The following TAS2R1 variants were observed in gnomAD, a reference collection of about 807,000 sequenced individuals.
TAS2R1 encodes the protein taste 2 receptor member 1, also known as taste receptor type 2 member 1.
For synonymous variants in TAS2R1, 141 were observed against 134.2 expected (o/e 1.05, Z -0.35); for missense variants, 370 against 353.4 (o/e 1.05, Z -0.38).
the TAS2R1 span, among the ~76,000 whole-genome samples, chr5:9,805,737 G>A: frequency 2.6e-5 from 4 of 152,062 alleles, no homozygotes; most frequent in African/African-American, 4.8e-5. Context: ...AGCATAGAAG[G>A]GACATACCTT....
the TAS2R1 span, among the ~76,000 whole-genome samples, chr5:9,737,412 A>T: frequency 2.0e-5 from 3 of 152,250 alleles, no homozygotes; most frequent in African/African-American, 7.2e-5. Context: ...GAACAATTTC[A>T]ATTATAACAA....
the TAS2R1 span, among the ~76,000 whole-genome samples, chr5:9,808,410 G>C: frequency 6.6e-6 from 1 of 151,752 alleles, no homozygotes; most frequent in Non-Finnish European, 1.5e-5. Context: ...ACTGCCTATA[G>C]AAAAATGTAA....
At chr5:9,851,499 A>G in the TAS2R1 span, among the ~76,000 whole-genome samples, 1 of 150,758 alleles carries the variant, frequency 6.6e-6, no homozygotes, top group Non-Finnish European at 1.5e-5. Context: ...CTCACAAGTA[A>G]TTTCTTCTGC....
At chr5:9,673,405 T>G (rs1297859911) in intron 1 of TAS2R1, among the ~76,000 whole-genome samples, 4 of 152,168 alleles carry the variant, frequency 2.6e-5, no homozygotes. Context: ...ACAAAGCCTG[T>G]GTAGGCATTA....
the TAS2R1 span, among the ~76,000 whole-genome samples, chr5:9,871,582 G>C: frequency 3.9e-5 from 6 of 152,098 alleles, no homozygotes; most frequent in East Asian, 1.2e-3. Context: ...CACTCGGATG[G>C]GGGAAGCCTG....
At chr5:9,694,611 G>A (rs545359124) in intron 1 of TAS2R1, among the ~76,000 whole-genome samples, 3 of 152,256 alleles carry the variant, frequency 2.0e-5, no homozygotes, top group Admixed American at 2.0e-4. Flanking sequence ...GAGTTTCTAT[G>A]TCTGTTCTTA....
chr5:9,874,268 C>G, the TAS2R1 span, among the ~76,000 whole-genome samples: 15 of 152,154 alleles, frequency 9.9e-5, no homozygotes, highest in Non-Finnish European at 1.8e-4. Context: ...GAGATTATTT[C>G]TGTGCTACTT....
At chr5:9,825,963 T>C in the TAS2R1 span, among the ~76,000 whole-genome samples, 5 of 152,184 alleles carry the variant, frequency 3.3e-5, no homozygotes, top group Non-Finnish European at 5.9e-5. Context: ...GTAAATGTTA[T>C]TAAAGGCCAA....
At chr5:9,819,339 A>G in the TAS2R1 span, among the ~76,000 whole-genome samples, 1 of 152,340 alleles carries the variant, frequency 6.6e-6, no homozygotes, top group Non-Finnish European at 1.5e-5. Flanking sequence ...TCATGCTGAT[A>G]TATTTCCTCA....
chr5:9,674,744 T>G (rs1579778450), intron 1 of TAS2R1, among the ~76,000 whole-genome samples: 1 of 152,136 alleles, frequency 6.6e-6, no homozygotes, highest in Non-Finnish European at 1.5e-5. Flanking sequence ...CTAACTTCTA[T>G]TCCATTTTTC....
At chr5:9,818,291 A>G in the TAS2R1 span, among the ~76,000 whole-genome samples, 5 of 152,218 alleles carry the variant, frequency 3.3e-5, no homozygotes, top group African/African-American at 1.2e-4. Flanking sequence ...TTAGGACAAG[A>G]AACATTCTTG....
intron 2 of TAS2R1, among the ~76,000 whole-genome samples, chr5:9,648,091 G>A (rs1740230204): frequency 2.0e-5 from 3 of 152,100 alleles, no homozygotes; most frequent in Non-Finnish European, 4.4e-5. Context: ...TATTCAAAAT[G>A]CATCATTCTT....
At chr5:9,876,862 T>C in the TAS2R1 span, among the ~76,000 whole-genome samples, 2 of 152,188 alleles carry the variant, frequency 1.3e-5, no homozygotes. Context: ...AGAACATTCC[T>C]TGTCTTTAAA....
intron 2 of TAS2R1, among the ~76,000 whole-genome samples, chr5:9,653,413 T>A (rs1322903731): frequency 6.6e-6 from 1 of 152,226 alleles, no homozygotes; most frequent in Non-Finnish European, 1.5e-5. Context: ...TCCATTCATT[T>A]GTTGATGGAT....
chr5:9,644,157 G>A (rs572658470), intron 2 of TAS2R1, among the ~76,000 whole-genome samples: 2 of 152,146 alleles, frequency 1.3e-5, no homozygotes, highest in Non-Finnish European at 2.9e-5. Flanking sequence ...GGGAAGCTTT[G>A]TTATAATCAC....
At chr5:9,763,696 G>A in the TAS2R1 span, among the ~76,000 whole-genome samples, 8,608 of 152,112 alleles carry the variant, frequency 0.057, 695 homozygotes, top group East Asian at 0.3. Flanking sequence ...AGCGAGAATC[G>A]GAAGAACAAA....
the TAS2R1 span, among the ~76,000 whole-genome samples, chr5:9,865,492 G>C: frequency 6.6e-6 from 1 of 151,826 alleles, no homozygotes; most frequent in African/African-American, 2.4e-5. Flanking sequence ...ATTTTCTGTT[G>C]GTCTTCCTTT....
intron 1 of TAS2R1, among the ~76,000 whole-genome samples, chr5:9,687,374 T>C (rs1303653659): frequency 3.3e-5 from 5 of 152,180 alleles, no homozygotes; most frequent in Non-Finnish European, 5.9e-5. Flanking sequence ...TGATTATCTT[T>C]TGTGGTTTTT....
At chr5:9,632,497 G>A (rs991184761), upstream of TAS2R1, among the ~76,000 whole-genome samples, 3 of 152,212 alleles carry the variant, frequency 2.0e-5, no homozygotes, top group Admixed American at 6.5e-5. Context: ...TCTGTAGCAT[G>A]TGATGCTGTC....
Sources: gnomAD v4.1 joint callset for allele counts (sites outside exome capture counted in the v4.1 genomes callset) on GRCh38, gnomAD v4.1.1 for gene constraint, MANE v1.5 for transcripts, NCBI Gene and HGNC (gene_info 2026-07-23, HGNC 2026-07-21) for gene names.